The following KCNH8 variants were observed in gnomAD, a reference collection of about 807,000 sequenced individuals.
KCNH8 encodes potassium voltage-gated channel subfamily H member 8, also known as voltage-gated delayed rectifier potassium channel KCNH8.
A neutral mutation model predicts 103.6 loss-of-function variants in KCNH8; 70 were observed. That is an observed-to-expected ratio of 0.68 (90% confidence interval 0.56 to 0.82). The LOEUF is 0.82. Ranked by LOEUF, KCNH8 falls within the 40% of genes least tolerant of loss-of-function variation. The pLI, the probability that KCNH8 is intolerant of heterozygous loss-of-function variation, is 0.00. For synonymous variants in KCNH8, 498 were observed against 489.4 expected, an observed-to-expected ratio of 1.02 and a Z score of -0.23; for missense variants, 1,217 against 1,329.9, an observed-to-expected ratio of 0.92 and a Z score of 1.32.
intron 5 of KCNH8, among the ~76,000 whole-genome samples, chr3:19,352,949 T>G (rs902962723): frequency 1.4e-5 from 2 of 147,318 alleles, no homozygotes; most frequent in Non-Finnish European, 3.0e-5. Context: ...CCAGGAGCTG[T>G]TTTTTTTTAA....
intron 5 of KCNH8, among the ~76,000 whole-genome samples, chr3:19,355,645 A>G (rs2065871222): frequency 6.6e-6 from 1 of 152,028 alleles, no homozygotes; most frequent in African/African-American, 2.4e-5. Flanking sequence ...AGAAAACCAA[A>G]CATCCCATGT....
chr3:19,461,116 G>GTA (rs991619277), intron 11 of KCNH8, among the ~76,000 whole-genome samples: 27 of 152,122 alleles, frequency 1.8e-4, no homozygotes, highest in African/African-American at 6.5e-4. Context: ...TTTGATTGGA[G>GTA]GGTTAGTTCA....
chr3:19,222,670 T>G (rs2063888738), intron 1 of KCNH8, among the ~76,000 whole-genome samples: 1 of 152,038 alleles, frequency 6.6e-6, no homozygotes, highest in African/African-American at 2.4e-5. Context: ...TGATAATAAG[T>G]TTTGATAAAA....
chr3:19,409,402 G>A lies in KCNH8; in HGVS notation c.1177+14091G>A, dbSNP rs543516766. Among the ~76,000 whole-genome samples, 132 of 152,092 alleles carry A rather than the reference G, an allele frequency of 8.7e-4. 2 individuals are homozygous for A. Among genetic ancestry groups the A allele is most frequent in the Non-Finnish European group, 1.7e-3 (113 of 67,960 alleles). ...TGGAAACAAAAGAATGATAACTGCC[G>A]CTACAAAAACACACTGAAGTATACA... On this transcript the variant is annotated intron_variant, in intron 7 of 15. Transcript: ENST00000328405.
intron 1 of KCNH8, among the ~76,000 whole-genome samples, chr3:19,208,219 C>G (rs1447203575): frequency 6.6e-6 from 1 of 151,946 alleles, no homozygotes; most frequent in Admixed American, 6.6e-5. Context: ...AGGAGCTAAG[C>G]AAAATGCTGG....
intron 7 of KCNH8, among the ~76,000 whole-genome samples, chr3:19,400,231 C>CAAAAAAAAAAA (rs11422314): frequency 1.9e-5 from 1 of 53,118 alleles, no homozygotes; most frequent in Non-Finnish European, 3.3e-5. Flanking sequence ...TGTTAGCCAG[C>CAAAAAAAAAAA]AAAAAAAAAA....
At chr3:19,438,631 C>A (rs1430187331) in intron 8 of KCNH8, among the ~76,000 whole-genome samples, 1 of 152,114 alleles carries the variant, frequency 6.6e-6, no homozygotes, top group Non-Finnish European at 1.5e-5. Context: ...AGAATCATTA[C>A]CTCATCCAGC....
intron 1 of KCNH8, among the ~76,000 whole-genome samples, chr3:19,245,147 AG>A (rs947139602): frequency 4.7e-4 from 71 of 152,320 alleles, no homozygotes; most frequent in African/African-American, 1.7e-3. Context: ...GGTGACTGGT[AG>A]GGGTACAATT....
At chr3:19,209,469 G>C (rs755421307) in intron 1 of KCNH8, among the ~76,000 whole-genome samples, 1 of 152,012 alleles carries the variant, frequency 6.6e-6, no homozygotes, top group African/African-American at 2.4e-5. Flanking sequence ...AAATGAAGTA[G>C]GTTCTTCTAA....
intron 7 of KCNH8, among the ~76,000 whole-genome samples, chr3:19,427,880 A>G (rs1029049578): frequency 3.3e-5 from 5 of 152,156 alleles, no homozygotes; most frequent in Non-Finnish European, 5.9e-5. Flanking sequence ...AGAAATTCCT[A>G]TTTGCAGGTG....
chr3:19,237,694 G>T (rs886504165), intron 1 of KCNH8, among the ~76,000 whole-genome samples: 1 of 152,176 alleles, frequency 6.6e-6, no homozygotes, highest in Non-Finnish European at 1.5e-5. Flanking sequence ...GCAAGACTGA[G>T]AAATCTGTGC....
chr3:19,453,970 G>T (rs546463216), intron 10 of KCNH8, among the ~76,000 whole-genome samples: 20 of 152,124 alleles, frequency 1.3e-4, no homozygotes, highest in Admixed American at 5.9e-4. Context: ...TAGAGTAAAG[G>T]TAGGGTTTGT....
intron 11 of KCNH8, among the ~76,000 whole-genome samples, chr3:19,502,560 G>A (rs1351538124): frequency 1.3e-5 from 2 of 152,122 alleles, no homozygotes; most frequent in Admixed American, 1.3e-4. Context: ...GCATGATACT[G>A]GTACCAAAAC....
intron 2 of KCNH8, among the ~76,000 whole-genome samples, chr3:19,259,790 TACACAC>T (rs56173952): frequency 1.3e-5 from 2 of 150,768 alleles, no homozygotes; most frequent in African/African-American, 4.9e-5. Flanking sequence ...TGTGTTTACA[TACACAC>T]ACACACACAC....
intron 5 of KCNH8, among the ~76,000 whole-genome samples, chr3:19,355,186 C>T (rs1272829530): frequency 6.6e-6 from 1 of 152,126 alleles, no homozygotes; most frequent in African/African-American, 2.4e-5. Context: ...CAATGAGGTA[C>T]CATCTCACAC....
intron 1 of KCNH8, among the ~76,000 whole-genome samples, chr3:19,237,292 GCATCTTTC>G (rs1286367280): frequency 1.8e-4 from 28 of 152,298 alleles, no homozygotes; most frequent in African/African-American, 6.7e-4. Flanking sequence ...TTAGACAAAG[GCATCTTTC>G]CTCCAGTGGA....
intron 1 of KCNH8, among the ~76,000 whole-genome samples, chr3:19,237,675 G>A (rs1404196485): frequency 8.5e-5 from 13 of 152,170 alleles, no homozygotes; most frequent in Non-Finnish European, 4.4e-5. Flanking sequence ...CTTGGAGCAA[G>A]TGAAAATAGC....
At chr3:19,158,044 T>C (rs2063198433) in intron 1 of KCNH8, among the ~76,000 whole-genome samples, 1 of 151,500 alleles carries the variant, frequency 6.6e-6, no homozygotes, top group African/African-American at 2.4e-5. Flanking sequence ...TGTGGGTACA[T>C]AGTAGGTGTA....
At chr3:19,228,210 G>T (rs1168195068) in intron 1 of KCNH8, among the ~76,000 whole-genome samples, 1 of 152,148 alleles carries the variant, frequency 6.6e-6, no homozygotes, top group Non-Finnish European at 1.5e-5. Flanking sequence ...TCAAAAGAAT[G>T]ATATTATTAT....
Sources: allele counts gnomAD v4.1 joint callset (sites outside exome capture counted in the v4.1 genomes callset), GRCh38; gene constraint gnomAD v4.1.1; transcripts MANE v1.5; gene names NCBI Gene and HGNC (gene_info 2026-07-23, HGNC 2026-07-21).